The following GSK3B variants were observed in gnomAD, a reference collection of about 807,000 sequenced individuals.
GSK3B encodes the protein glycogen synthase kinase-3 beta.
A neutral mutation model predicts 56.4 loss-of-function variants in GSK3B; 15 were observed. The ratio of observed to expected loss-of-function variants is 0.27; its 90% confidence interval spans 0.18 to 0.41. GSK3B has a LOEUF of 0.41. Among genes scored for constraint, GSK3B ranks in the 10% least tolerant of loss-of-function variants. The pLI is 1.00. For synonymous variants in GSK3B, 181 were observed against 188.9 expected (o/e 0.96, Z 0.34); for missense variants, 300 against 513.4 (o/e 0.58, Z 4.02).
chr3:119,955,649 T>TTTG (rs143437523), intron 2 of GSK3B, among the ~76,000 whole-genome samples: 13 of 151,348 alleles, frequency 8.6e-5, no homozygotes, highest in South Asian at 8.4e-4. Flanking sequence ...TGCTTTTGTT[T>TTTG]TTGTTGTTGT....
At chr3:120,057,215 G>C (rs1248357079) in intron 1 of GSK3B, among the ~76,000 whole-genome samples, 2 of 152,150 alleles carry the variant, frequency 1.3e-5, no homozygotes, top group African/African-American at 4.8e-5. Context: ...AAAATTAAAA[G>C]TGGTTAAATC....
At position 120,074,654 on chromosome 3, in the gene GSK3B, T is replaced by G. The variant is rs187810184; in HGVS notation, c.88+18693A>C. Among the ~76,000 whole-genome samples the G allele has an allele frequency of 2.9e-4, 44 of 152,078 alleles. No individual in the cohort carries two copies. In the East Asian group the frequency reaches 8.3e-3, roughly 29 times the overall value. On this transcript the variant is annotated intron_variant, in intron 1 of 10. Coordinates refer to ENST00000264235, the MANE Select transcript of GSK3B (RefSeq NM_001146156.2). ...ACGAACAATTACATGCCAACAAATG[T>G]GATAACTTAGAAGAAAAGAATACCT...
At chr3:119,964,056 A>T (rs1366893809) in intron 2 of GSK3B, among the ~76,000 whole-genome samples, 3 of 152,224 alleles carry the variant, frequency 2.0e-5, no homozygotes, top group African/African-American at 7.2e-5. Flanking sequence ...AACCATCAAC[A>T]GAGTAAGAAG....
At chr3:119,979,585 T>A (rs2057441197) in intron 2 of GSK3B, among the ~76,000 whole-genome samples, 1 of 152,246 alleles carries the variant, frequency 6.6e-6, no homozygotes, top group Non-Finnish European at 1.5e-5. Context: ...TCTTTCTCCA[T>A]GTCTGACTTG....
At chr3:119,940,217 C>T (rs1232557801) in intron 3 of GSK3B, among the ~76,000 whole-genome samples, 1 of 149,978 alleles carries the variant, frequency 6.7e-6, no homozygotes, top group African/African-American at 2.5e-5. Flanking sequence ...CATATATTAC[C>T]CTCATTTTAG....
chr3:120,065,051 C>T (rs553036695), intron 1 of GSK3B, among the ~76,000 whole-genome samples: 3 of 152,072 alleles, frequency 2.0e-5, no homozygotes, highest in East Asian at 3.9e-4. Flanking sequence ...TAAATCATAA[C>T]CTTAGATTTG....
At chr3:120,045,443 C>T (rs1449713962) in intron 1 of GSK3B, among the ~76,000 whole-genome samples, 2 of 152,086 alleles carry the variant, frequency 1.3e-5, no homozygotes, top group East Asian at 3.9e-4. Context: ...ACCACACGTC[C>T]ACCCTTCGAA....
chr3:120,060,814 G>A (rs2058230087), intron 1 of GSK3B, among the ~76,000 whole-genome samples: 2 of 152,146 alleles, frequency 1.3e-5, no homozygotes, highest in South Asian at 4.1e-4. Context: ...CAATAAATAT[G>A]AGTTACTAAG....
intron 10 of GSK3B, among the ~76,000 whole-genome samples, chr3:119,841,962 A>G (rs2055777523): frequency 6.6e-6 from 1 of 152,222 alleles, no homozygotes; most frequent in South Asian, 2.1e-4. Flanking sequence ...AAGAACTAGT[A>G]ATGAAAGATT....
At chr3:120,025,641 A>G (rs2057916319) in intron 1 of GSK3B, among the ~76,000 whole-genome samples, 1 of 152,210 alleles carries the variant, frequency 6.6e-6, no homozygotes, top group Admixed American at 6.5e-5. Context: ...AAAAAGGTAC[A>G]ATGTATGCAA....
intron 2 of GSK3B, among the ~76,000 whole-genome samples, chr3:119,984,613 A>T: frequency 6.6e-6 from 1 of 152,228 alleles, no homozygotes. Flanking sequence ...TAGAAAATCA[A>T]GAAGAAACAG....
intron 3 of GSK3B, among the ~76,000 whole-genome samples, chr3:119,939,871 C>A (rs934189937): frequency 2.0e-5 from 3 of 151,952 alleles, no homozygotes; most frequent in Non-Finnish European, 4.4e-5. Context: ...AAATTTGAGG[C>A]TCTAGAGTTC....
chr3:119,865,670 C>T (rs1173880032), intron 8 of GSK3B, among the ~76,000 whole-genome samples: 5 of 151,132 alleles, frequency 3.3e-5, no homozygotes, highest in African/African-American at 4.9e-5. Context: ...GGGGTTTCAC[C>T]GTGTTAGCCA....
intron 1 of GSK3B, among the ~76,000 whole-genome samples, chr3:120,076,465 A>G (rs1234027453): frequency 6.6e-6 from 1 of 152,228 alleles, no homozygotes. Context: ...AGGGGTTAAT[A>G]TTCAAGATTT....
chr3:120,029,979 T>A lies in GSK3B; in HGVS notation c.89-27740A>T, dbSNP rs567218418. Reference sequence around the variant, plus strand: ...TGCTCTGGCTTGAAAGACACCAGCATCTGGCCTCCCAGTGTTTTCAGCTGT... The same window carrying A: ...TGCTCTGGCTTGAAAGACACCAGCAACTGGCCTCCCAGTGTTTTCAGCTGT... On this transcript the variant is annotated intron_variant, in intron 1 of 10. Transcript: ENST00000264235. The A allele has an allele frequency of 7.7e-5, 36 of 469,414 alleles. No homozygotes were observed. The East Asian group carries it at 1.9e-3, about 25-fold the overall frequency. The allele number at this position is 469,414 out of a possible 1,614,324, so 29.1% of individuals were successfully genotyped here.
intron 3 of GSK3B, among the ~76,000 whole-genome samples, chr3:119,934,997 C>T (rs960457587): frequency 2.0e-5 from 3 of 151,918 alleles, no homozygotes; most frequent in Admixed American, 1.3e-4. Context: ...CAGATGACAA[C>T]TGATATTCAA....
intron 1 of GSK3B, among the ~76,000 whole-genome samples, chr3:120,005,560 G>A (rs1173055091): frequency 6.6e-6 from 1 of 152,196 alleles, no homozygotes; most frequent in African/African-American, 2.4e-5. Flanking sequence ...AAGGCCATCA[G>A]ACTAACAGCA....
intron 2 of GSK3B, among the ~76,000 whole-genome samples, chr3:119,982,645 C>T (rs551083829): frequency 2.3e-4 from 35 of 151,510 alleles, no homozygotes; most frequent in South Asian, 6.3e-4. Flanking sequence ...TGAAATAAAG[C>T]GAGAAGGTTA....
intron 1 of GSK3B, among the ~76,000 whole-genome samples, chr3:120,051,331 A>G (rs770978739): frequency 7.2e-5 from 11 of 152,174 alleles, no homozygotes; most frequent in African/African-American, 1.2e-4. Flanking sequence ...TAGGTAACAT[A>G]ATCTGTACTA....
Sources: allele counts gnomAD v4.1 joint callset (sites outside exome capture counted in the v4.1 genomes callset), GRCh38; gene constraint gnomAD v4.1.1; transcripts MANE v1.5; gene names NCBI Gene and HGNC (gene_info 2026-07-23, HGNC 2026-07-21).